AKT3: variants seen among roughly 807,000 people sequenced by gnomAD.
The protein encoded by AKT3 is RAC-gamma serine/threonine-protein kinase.
In AKT3, 15 loss-of-function variants were observed where a neutral mutation model predicts 65.3. The observed-to-expected ratio is 0.23, with a 90% confidence interval of 0.15 to 0.35. AKT3 has a LOEUF of 0.35. Ranked by LOEUF, AKT3 falls within the 10% of genes least tolerant of loss-of-function variation. AKT3 has a pLI of 1.00. For missense variants in AKT3, 243 were observed against 576.5 expected (o/e 0.42, Z 5.92); for synonymous variants, 206 against 183.8 (o/e 1.12, Z -0.98).
At chr1:243,781,653 T>C (rs2148309980) in intron 2 of AKT3, among the ~76,000 whole-genome samples, 1 of 152,206 alleles carries the variant, frequency 6.6e-6, no homozygotes, top group East Asian at 1.9e-4. Flanking sequence ...GACAGACCTA[T>C]GGATTTTTTT....
At chr1:243,708,453 C>T (rs1685943932) in intron 2 of AKT3, among the ~76,000 whole-genome samples, 1 of 151,996 alleles carries the variant, frequency 6.6e-6, no homozygotes, top group South Asian at 2.1e-4. Flanking sequence ...ACCTATCATA[C>T]TAATAAAAAC....
At chr1:243,757,444 C>A (rs1216131064) in intron 2 of AKT3, among the ~76,000 whole-genome samples, 1 of 151,996 alleles carries the variant, frequency 6.6e-6, no homozygotes, top group Non-Finnish European at 1.5e-5. Context: ...ATGGTGAAAC[C>A]CCATCTCTAC....
chr1:243,780,893 T>G (rs1267236897), intron 2 of AKT3, among the ~76,000 whole-genome samples: 2 of 151,840 alleles, frequency 1.3e-5, no homozygotes, highest in African/African-American at 4.8e-5. Flanking sequence ...TTTCTATAGA[T>G]TACTACTGTT....
intron 4 of AKT3, among the ~76,000 whole-genome samples, chr1:243,656,050 C>A (rs1681759839): frequency 7.1e-6 from 1 of 140,108 alleles, no homozygotes; most frequent in Admixed American, 7.8e-5. Flanking sequence ...ACATAATTCA[C>A]CATAATTCAT....
At chr1:243,738,067 AG>A (rs1344456575) in intron 2 of AKT3, among the ~76,000 whole-genome samples, 2 of 152,228 alleles carry the variant, frequency 1.3e-5, no homozygotes, top group African/African-American at 4.8e-5. Flanking sequence ...TCACCAAAAA[AG>A]AAATGTTTGT....
intron 12 of AKT3, among the ~76,000 whole-genome samples, chr1:243,541,876 A>G (rs1220621375): frequency 6.6e-6 from 1 of 152,232 alleles, no homozygotes; most frequent in African/African-American, 2.4e-5. Flanking sequence ...TGAAAAAACC[A>G]ACTGTATTTC....
intron 2 of AKT3, among the ~76,000 whole-genome samples, chr1:243,799,356 G>A (rs1157553053): frequency 1.3e-5 from 2 of 152,102 alleles, no homozygotes; most frequent in African/African-American, 4.8e-5. Context: ...ATGAAGATTT[G>A]GGTTTTGTTT....
At chr1:243,717,206 G>A (rs879459560) in intron 2 of AKT3, among the ~76,000 whole-genome samples, 20 of 152,146 alleles carry the variant, frequency 1.3e-4, no homozygotes, top group Non-Finnish European at 1.0e-4. Context: ...GTGGTTTAGT[G>A]TTACTTTAGA....
chr1:243,795,131 A>G (rs1407623687), intron 2 of AKT3, among the ~76,000 whole-genome samples: 3 of 141,140 alleles, frequency 2.1e-5, no homozygotes, highest in African/African-American at 7.9e-5. Flanking sequence ...CCACCTCTCT[A>G]TGTCTACTTT....
chr1:243,613,508 T>G (rs528250076), intron 8 of AKT3, among the ~76,000 whole-genome samples, 163 bp downstream of exon 8: 1 of 152,294 alleles, frequency 6.6e-6, no homozygotes, highest in East Asian at 1.9e-4. Context: ...TCATTACATC[T>G]CATCAGAAAT....
At chr1:243,544,463 A>C (rs1672523661) in intron 12 of AKT3, among the ~76,000 whole-genome samples, 1 of 151,924 alleles carries the variant, frequency 6.6e-6, no homozygotes, top group Admixed American at 6.6e-5. Context: ...AAAAAGTACC[A>C]AAAACGTAGG....
chr1:243,757,721 T>C (rs1180527216), intron 2 of AKT3, among the ~76,000 whole-genome samples: 1 of 152,180 alleles, frequency 6.6e-6, no homozygotes, highest in Non-Finnish European at 1.5e-5. Flanking sequence ...GTTCTTACAC[T>C]TGCAGTCTCT....
intron 3 of AKT3, among the ~76,000 whole-genome samples, chr1:243,674,178 A>G (rs1572148892): frequency 6.6e-6 from 1 of 152,230 alleles, no homozygotes; most frequent in Non-Finnish European, 1.5e-5. Context: ...ACCCCTAATA[A>G]AATAATTAAT....
Position 243,501,342 on chromosome 1 carries a change from A to T in AKT3, c.*3907T>A, listed in dbSNP as rs1669282203. The T allele has an allele frequency of 4.3e-6, 1 of 233,172 alleles. No homozygotes were observed. The highest frequency in any genetic ancestry group is 5.6e-5 in the Admixed American group (1 of 17,794). The allele number at this position is 233,172 out of a possible 1,614,324, so 14.4% of individuals were successfully genotyped here. A position where few individuals can be genotyped will look rare whatever the true frequency, so the allele number is the denominator to read the frequency against. ...AGAAATACACTCTAAGAAAGGAAATATGCAGAGCAGTACATTATCAGGAAG... is the reference window on the plus strand; with the variant it reads ...AGAAATACACTCTAAGAAAGGAAATTTGCAGAGCAGTACATTATCAGGAAG... On this transcript the variant is annotated 3_prime_UTR_variant, in exon 14 of 14. Coordinates refer to ENST00000673466, the MANE Select transcript of AKT3 (RefSeq NM_005465.7).
chr1:243,671,519 T>C (rs1683157554), intron 3 of AKT3, among the ~76,000 whole-genome samples: 1 of 152,214 alleles, frequency 6.6e-6, no homozygotes, highest in Non-Finnish European at 1.5e-5. Context: ...AGCATTTCTA[T>C]CTTTTGTTTA....
chr1:243,754,411 C>A (rs977591790), intron 2 of AKT3, among the ~76,000 whole-genome samples: 17 of 152,154 alleles, frequency 1.1e-4, no homozygotes, highest in Admixed American at 1.1e-3. Context: ...TGCTCCCCAC[C>A]CTCACTGGAC....
chr1:243,842,379 C>T (rs1367591171), intron 2 of AKT3, among the ~76,000 whole-genome samples: 1 of 152,090 alleles, frequency 6.6e-6, no homozygotes, highest in African/African-American at 2.4e-5. Context: ...ACAGTAGTTG[C>T]CTAGCAACTA....
intron 2 of AKT3, among the ~76,000 whole-genome samples, chr1:243,702,433 C>T (rs143858848): frequency 6.6e-6 from 1 of 152,212 alleles, no homozygotes; most frequent in African/African-American, 2.4e-5. Flanking sequence ...TCAGGGTCCT[C>T]ATCTGAAAAA....
At chr1:243,813,709 A>C (rs1378429818) in intron 2 of AKT3, among the ~76,000 whole-genome samples, 2 of 152,194 alleles carry the variant, frequency 1.3e-5, no homozygotes, top group Non-Finnish European at 2.9e-5. Context: ...TGTTAATGAT[A>C]CTGTGATTAT....
Sources: allele counts gnomAD v4.1 joint callset (sites outside exome capture counted in the v4.1 genomes callset), GRCh38; gene constraint gnomAD v4.1.1; transcripts MANE v1.5; gene names NCBI Gene and HGNC (gene_info 2026-07-23, HGNC 2026-07-21).